The following COL8A1 variants were observed in gnomAD, a reference collection of about 807,000 sequenced individuals.
The protein encoded by COL8A1 is collagen alpha-1(VIII) chain.
Under a neutral mutation model 42.7 loss-of-function variants are expected in COL8A1, and 21 were observed. The ratio of observed to expected loss-of-function variants is 0.49; its 90% CI spans 0.35 to 0.71. The LOEUF is 0.71. Among genes scored for constraint, COL8A1 ranks in the 30% least tolerant of loss-of-function variants. COL8A1 has a pLI of 0.01. For missense variants in COL8A1, 788 were observed against 962.4 expected (o/e 0.82, Z 2.40); for synonymous variants, 367 against 369.1 (o/e 0.99, Z 0.06).
At chr3:99,700,153 C>T (rs546003374) in intron 1 of COL8A1, among the ~76,000 whole-genome samples, 27 of 152,200 alleles carry the variant, frequency 1.8e-4, no homozygotes, top group African/African-American at 3.6e-4. Flanking sequence ...CAACAAGGTA[C>T]GAGGGCACAG....
chr3:99,757,676 T>C lies in COL8A1; in HGVS notation c.-4+12655T>C, dbSNP rs552868884. 9.2e-4 allele frequency among the ~76,000 whole-genome samples: 140 copies of C among 152,310 alleles called. 3 individuals carry two copies. In the South Asian group the frequency reaches 0.028, roughly 31 times the overall value. On this transcript the variant is annotated intron_variant, in intron 2 of 3. Transcript: ENST00000652472. ...TTTTTTCCATCACCATCATTTTATC[T>C]GCCGTAGCTATTGAGTACCTATGGA...
intron 1 of COL8A1, among the ~76,000 whole-genome samples, chr3:99,739,553 A>C (rs1343255846): frequency 6.6e-6 from 1 of 152,098 alleles, no homozygotes; most frequent in Non-Finnish European, 1.5e-5. Context: ...ACAATTCTTG[A>C]CTGCTGTGTA....
chr3:99,687,992 A>G (rs1939112788), intron 1 of COL8A1, among the ~76,000 whole-genome samples: 1 of 152,220 alleles, frequency 6.6e-6, no homozygotes, highest in South Asian at 2.1e-4. Flanking sequence ...ATCCACCAGC[A>G]CTTCACCCGT....
chr3:99,751,849 CTTTCTTTAGTGAGTCAAG>C (rs1559627018), intron 2 of COL8A1, among the ~76,000 whole-genome samples: 1 of 152,146 alleles, frequency 6.6e-6, no homozygotes. Context: ...ACTCAGCTTC[CTTTCTTTAGTGAGTCAAG>C]CAATTGAAAT....
intron 1 of COL8A1, among the ~76,000 whole-genome samples, chr3:99,699,774 T>C (rs1274776866): frequency 6.6e-6 from 1 of 152,130 alleles, no homozygotes; most frequent in African/African-American, 2.4e-5. Flanking sequence ...AATATTGACA[T>C]CCTCTTTCTC....
At chr3:99,671,852 A>G (rs1019760229) in intron 1 of COL8A1, among the ~76,000 whole-genome samples, 1 of 152,054 alleles carries the variant, frequency 6.6e-6, no homozygotes, top group African/African-American at 2.4e-5. Flanking sequence ...TCAGTATGTC[A>G]AGATATCTGC....
chr3:99,782,472 A>T (rs1410791088), intron 2 of COL8A1, among the ~76,000 whole-genome samples: 3 of 151,966 alleles, frequency 2.0e-5, no homozygotes, highest in African/African-American at 7.3e-5. Flanking sequence ...GCTCACTGCA[A>T]CCTCCACCTC....
intron 1 of COL8A1, among the ~76,000 whole-genome samples, chr3:99,722,329 T>A (rs2107370994): frequency 6.6e-6 from 1 of 152,252 alleles, no homozygotes; most frequent in South Asian, 2.1e-4. Context: ...ATGATATCAA[T>A]GGCCTTGCAA....
chr3:99,663,621 T>C lies in COL8A1; in HGVS notation c.-129+24957T>C, dbSNP rs79199732. Among the ~76,000 whole-genome samples the C allele has an allele frequency of 4.7e-4, 71 of 152,326 alleles. 1 individual carries two copies. The East Asian group carries it at 0.012, about 25-fold the overall frequency. ...ACCTTTAAATCATATTTTCCAACAA[T>C]ACTTACTGTCATTTTCCCTATTTAA... On this transcript the variant is annotated intron_variant, in intron 1 of 3. Coordinates refer to ENST00000652472, the MANE Select transcript of COL8A1 (RefSeq NM_020351.4).
chr3:99,771,717 T>A (rs1576470726), intron 2 of COL8A1, among the ~76,000 whole-genome samples: 1 of 152,186 alleles, frequency 6.6e-6, no homozygotes, highest in Non-Finnish European at 1.5e-5. Flanking sequence ...CCCATAATGC[T>A]AACTGTGAAG....
In COL8A1 at chr3:99,795,785, G is replaced by C. The variant is rs62283505; in HGVS notation, c.1884G>C (p.Pro628=). 3 of 1,614,040 alleles carry C rather than the reference G, an allele frequency of 1.9e-6. No homozygotes were observed. Among genetic ancestry groups the C allele is most frequent in the Non-Finnish European group, 8.5e-7 (1 of 1,179,984 alleles). Residue 628 remains proline (P), a synonymous_variant, in exon 4 of 4, where the codon CCG becomes CCC. Coordinates refer to ENST00000652472, the MANE Select transcript of COL8A1 (RefSeq NM_020351.4). ...CCGAGCTAACCGCACCTTTCCCACC[G>C]GTGGGGGCCCCAGTGAAGTTTAACA... ...FTAELTAPFP[P]VGAPVKFNKL...
chr3:99,645,476 C>A (rs1937624446), intron 1 of COL8A1, among the ~76,000 whole-genome samples: 1 of 152,072 alleles, frequency 6.6e-6, no homozygotes, highest in Admixed American at 6.5e-5. Context: ...GTCCCTTTTC[C>A]AGCCCCCAGT....
At chr3:99,774,483 T>C (rs1208109561) in intron 2 of COL8A1, among the ~76,000 whole-genome samples, 1 of 152,098 alleles carries the variant, frequency 6.6e-6, no homozygotes, top group African/African-American at 2.4e-5. Context: ...AATAAGTTTG[T>C]TTTTTATGGA....
chr3:99,691,130 A>T (rs1411490491), intron 1 of COL8A1, among the ~76,000 whole-genome samples: 1 of 152,166 alleles, frequency 6.6e-6, no homozygotes, highest in African/African-American at 2.4e-5. Flanking sequence ...TCCCCTGGGT[A>T]TACCAAGGGA....
chr3:99,714,417 C>T (rs1446323452), intron 1 of COL8A1, among the ~76,000 whole-genome samples: 1 of 152,086 alleles, frequency 6.6e-6, no homozygotes, highest in African/African-American at 2.4e-5. Flanking sequence ...CCCAGATTCT[C>T]AAGGAAACAA....
At chr3:99,731,137 T>G (rs777796034) in intron 1 of COL8A1, among the ~76,000 whole-genome samples, 18 of 151,970 alleles carry the variant, frequency 1.2e-4, no homozygotes, top group Non-Finnish European at 2.4e-4. Context: ...ACGATAGGGG[T>G]TGAGACAGAC....
intron 2 of COL8A1, among the ~76,000 whole-genome samples, chr3:99,753,190 C>T (rs940927172): frequency 6.6e-6 from 1 of 152,308 alleles, no homozygotes; most frequent in Non-Finnish European, 1.5e-5. Context: ...GGCCCAAGAA[C>T]TTGCATTTTT....
chr3:99,643,272 G>T (rs1269882521), intron 1 of COL8A1, among the ~76,000 whole-genome samples: 1 of 152,146 alleles, frequency 6.6e-6, no homozygotes, highest in Non-Finnish European at 1.5e-5. Context: ...ACCATAGCTT[G>T]GTAGAGGTTT....
At chr3:99,709,186 T>C (rs555505413) in intron 1 of COL8A1, among the ~76,000 whole-genome samples, 22 of 152,292 alleles carry the variant, frequency 1.4e-4, no homozygotes, top group African/African-American at 5.1e-4. Context: ...CAGCCTTCCC[T>C]GACCCACTAT....
Sources: gnomAD v4.1 joint callset for allele counts (sites outside exome capture counted in the v4.1 genomes callset) on GRCh38, gnomAD v4.1.1 for gene constraint, MANE v1.5 for transcripts, NCBI Gene and HGNC (gene_info 2026-07-23, HGNC 2026-07-21) for gene names.